Variants in MNS1 observed in about 807,000 individuals in gnomAD.
MNS1 encodes meiosis-specific nuclear structural protein 1.
In MNS1, 63 loss-of-function variants were observed where a neutral mutation model predicts 72.0. That is an observed-to-expected ratio of 0.87 (90% CI 0.71 to 1.08). MNS1 has a LOEUF of 1.08. Among genes scored for constraint, MNS1 ranks in the 50% least tolerant of loss-of-function variants. The probability of loss-of-function intolerance (pLI) is 0.00; values close to 1 mark genes in which losing one functional copy is unlikely to be tolerated. For missense variants in MNS1, 604 were observed against 562.4 expected (o/e 1.07, Z -0.75); for synonymous variants, 188 against 172.1 (o/e 1.09, Z -0.72).
intron 9 of MNS1, among the ~76,000 whole-genome samples, chr15:56,430,719 C>A (rs1447468941): frequency 6.7e-6 from 1 of 149,642 alleles, no homozygotes; most frequent in Non-Finnish European, 1.5e-5. Context: ...TACTACAGTT[C>A]TAGGGTAGTC....
chr15:56,452,614 G>A (rs1201646273), intron 3 of MNS1, among the ~76,000 whole-genome samples: 2 of 151,672 alleles, frequency 1.3e-5, no homozygotes, highest in African/African-American at 2.4e-5. Flanking sequence ...CGCCTCCCAG[G>A]TTCAAGCGAT....
At chr15:56,446,707 A>G (rs746914425) in intron 4 of MNS1, 134 bp downstream of exon 4, 2 of 632,076 alleles carry the variant, frequency 3.2e-6, no homozygotes, top group Non-Finnish European at 5.3e-6. Flanking sequence ...CATCTTAAGG[A>G]TCTGAAAATT....
At chr15:56,437,892 G>C (rs1163320135) in intron 7 of MNS1, among the ~76,000 whole-genome samples, 1 of 152,040 alleles carries the variant, frequency 6.6e-6, no homozygotes, top group Non-Finnish European at 1.5e-5. Context: ...AAAATACCTA[G>C]GAATCCAACT....
Position 56,444,637 on chromosome 15 carries a change from C to T in MNS1, c.493G>A (p.Glu165Lys). ...DAEIAKTMMEEHKRIIKEENA... is the reference protein window; with the variant it reads ...DAEIAKTMMEKHKRIIKEENA... ...TCTTCCTTTATTATTCTCTTGTGTT[C>T]TTCCATCATGGTTTTGGCTATTTCA... The change falls in exon 5 of 10, where the codon GAA becomes AAA. Residue 165 changes from glutamate (E) to lysine (K), a missense_variant. Coordinates refer to ENST00000260453, the MANE Select transcript of MNS1 (RefSeq NM_018365.4). 2 of 1,611,692 alleles carry T rather than the reference C, an allele frequency of 1.2e-6. No individual in the cohort carries two copies. Among genetic ancestry groups the T allele is most frequent in the Non-Finnish European group, 1.7e-6 (2 of 1,179,188 alleles).
chr15:56,456,432 T>C lies in MNS1; in HGVS notation c.315A>G (p.Leu105=), dbSNP rs751115423. ...CTTGTTGCCTCATCTTTTCGTCCTT[T>C]AGACTTTCATGTTTCAGTTTTGCCA... The part of the protein sequence containing the change: ...MELAKLKHES[L]KDEKMRQQVR... The change falls in exon 3 of 10, where the codon CTA becomes CTG. Residue 105 remains leucine, a synonymous_variant. Transcript: ENST00000260453. The C allele has an allele frequency of 2.1e-5, 34 of 1,611,888 alleles. No homozygotes were observed. Among genetic ancestry groups the C allele is most frequent in the African/African-American group, 2.7e-5 (2 of 74,802 alleles).
intron 3 of MNS1, chr15:56,447,617 CCAA>C (rs1197100891): frequency 2.6e-5 from 4 of 151,940 alleles, no homozygotes; most frequent in African/African-American, 9.6e-5. Context: ...AAATTTATAC[CCAA>C]CAATATCACT....
chr15:56,437,061 C>T (rs1207942116), intron 7 of MNS1, among the ~76,000 whole-genome samples: 1 of 152,262 alleles, frequency 6.6e-6, no homozygotes, highest in South Asian at 2.1e-4. Context: ...TGAAACTATT[C>T]CAATCAATAG....
rs60405436 is a variant in MNS1 at position 56,444,724 on chromosome 15, C to T, written c.457-51G>A. 2.0e-4 allele frequency: 280 copies of T among 1,402,214 alleles called. 2 individuals carry two copies. The African/African-American group carries it at 3.5e-3, about 17-fold the overall frequency. 86.9% of individuals were successfully genotyped at this position (1,402,214 alleles called of 1,614,324 possible). Reference sequence around the variant, plus strand: ...TCCGTTTTCAAATTTGAACATAGTACGATAGTATATTTTACACCAATGTTA... The same window carrying T: ...TCCGTTTTCAAATTTGAACATAGTATGATAGTATATTTTACACCAATGTTA... On this transcript the variant is annotated intron_variant, in intron 4 of 9. Coordinates refer to ENST00000260453, the MANE Select transcript of MNS1 (RefSeq NM_018365.4).
chr15:56,440,968 T>A (rs535679758), intron 7 of MNS1, among the ~76,000 whole-genome samples: 33 of 152,148 alleles, frequency 2.2e-4, no homozygotes, highest in Non-Finnish European at 4.9e-4. Context: ...TGGGTTTGGG[T>A]AGACACAGGC....
chr15:56,457,141 T>C (rs1463990000), intron 2 of MNS1, among the ~76,000 whole-genome samples: 1 of 152,156 alleles, frequency 6.6e-6, no homozygotes, highest in African/African-American at 2.4e-5. Flanking sequence ...CTACACACAT[T>C]TTTCCCCCAA....
chr15:56,458,971 G>A lies in MNS1; in HGVS notation c.226-2450C>T, dbSNP rs534441913. Among the ~76,000 whole-genome samples, 71 of 152,230 alleles carry A rather than the reference G, an allele frequency of 4.7e-4. 1 individual carries two copies. Among genetic ancestry groups the A allele is most frequent in the African/African-American group, 1.6e-3 (68 of 41,552 alleles). On this transcript the variant is annotated intron_variant, in intron 2 of 9. Coordinates refer to ENST00000260453, the MANE Select transcript of MNS1 (RefSeq NM_018365.4). ...ATGTTATATTTTTATAAATGCTATA[G>A]ATATATATAGGTGATTGTATGTACA...
Position 56,443,659 on chromosome 15 carries a change from T to G in MNS1, c.882A>C (p.Lys294Asn), listed in dbSNP as rs1355670684. The G allele has an allele frequency of 1.2e-6, 2 of 1,612,858 alleles. No individual in the cohort carries two copies. The highest frequency in any genetic ancestry group is 1.7e-6 in the Non-Finnish European group (2 of 1,179,414). The stretch of plus-strand genomic sequence containing the variant: ...ATACCGCATTCTGAAGCTGTAGCCT[T>G]TTCTCCTCATTTTCTTGAACTTTTG... ...RMAKVQENEE[K>N]RLQLQNALTQ... Residue 294 changes from lysine to asparagine, a missense_variant, in exon 6 of 10, where the codon AAA (lysine) becomes AAC (asparagine). Physicochemically the swap from Lys to Asn is moderately conservative, Grantham distance 94. Coordinates refer to ENST00000260453, the MANE Select transcript of MNS1 (RefSeq NM_018365.4).
chr15:56,465,116 C>T lies in MNS1; in HGVS notation c.-144G>A, dbSNP rs2051051422. The T allele has an allele frequency of 1.8e-6, 2 of 1,103,210 alleles. No homozygotes were observed. Among genetic ancestry groups the T allele is most frequent in the Admixed American group, 2.3e-5 (1 of 44,162 alleles). 68.3% of individuals were successfully genotyped at this position (1,103,210 alleles called of 1,614,324 possible). ...GCGTCTTGGCAACGGTGGAGCTGCG[C>T]GCCCTCCGCTCGACCAAAAGTGACC... On this transcript the variant is annotated 5_prime_UTR_variant, in exon 1 of 10. Transcript: ENST00000260453.
chr15:56,440,192 A>C (rs1004611944), intron 7 of MNS1, among the ~76,000 whole-genome samples: 10 of 152,200 alleles, frequency 6.6e-5, no homozygotes, highest in African/African-American at 2.4e-4. Context: ...ATTAGTCATC[A>C]GGAAAATGCA....
At chr15:56,445,293 A>G (rs753474496) in intron 4 of MNS1, among the ~76,000 whole-genome samples, 3 of 152,002 alleles carry the variant, frequency 2.0e-5, no homozygotes, top group African/African-American at 4.8e-5. Flanking sequence ...TCAAGAGACA[A>G]TCTTTCTTCT....
At chr15:56,453,397 G>A (rs1596266833) in intron 3 of MNS1, among the ~76,000 whole-genome samples, 1 of 152,068 alleles carries the variant, frequency 6.6e-6, no homozygotes, top group Admixed American at 6.5e-5. Context: ...CTCAGAAAAT[G>A]TTATTTTGTG....
intron 4 of MNS1, chr15:56,445,739 A>G (rs1397704866): frequency 1.3e-5 from 2 of 152,106 alleles, no homozygotes; most frequent in African/African-American, 4.8e-5. Context: ...AAGTCCTAGT[A>G]GTATTCGACT....
At chr15:56,460,009 A>AAAATATAT in intron 2 of MNS1, among the ~76,000 whole-genome samples, 4 of 26,388 alleles carry the variant, frequency 1.5e-4, no homozygotes, top group Admixed American at 1.1e-3. Flanking sequence ...AAAAAAAAAA[A>AAAATATAT]ATACATATAT....
chr15:56,440,939 C>G (rs1422296157), intron 7 of MNS1, among the ~76,000 whole-genome samples: 7 of 152,048 alleles, frequency 4.6e-5, no homozygotes, highest in Admixed American at 2.0e-4. Flanking sequence ...GTGAATAATG[C>G]TGCATAAACA....
Sources: allele counts gnomAD v4.1 joint callset (sites outside exome capture counted in the v4.1 genomes callset), GRCh38; gene constraint gnomAD v4.1.1; transcripts MANE v1.5; gene names NCBI Gene and HGNC (gene_info 2026-07-23, HGNC 2026-07-21).